KLHL29: variants seen among roughly 807,000 people sequenced by gnomAD.
KLHL29 encodes kelch-like protein 29.
A neutral mutation model predicts 80.4 loss-of-function variants in KLHL29; 21 were observed. The ratio of observed to expected loss-of-function variants is 0.26; its 90% confidence interval spans 0.19 to 0.38. The LOEUF is 0.38. Ranked by LOEUF, KLHL29 falls within the 10% of genes least tolerant of loss-of-function variation. KLHL29 has a pLI of 1.00. For synonymous variants in KLHL29, 511 were observed against 526.8 expected (o/e 0.97, Z 0.41); for missense variants, 867 against 1,223.9 (o/e 0.71, Z 4.35).
At chr2:23,533,280 G>T (rs1231840839) in intron 2 of KLHL29, among the ~76,000 whole-genome samples, 1 of 152,144 alleles carries the variant, frequency 6.6e-6, no homozygotes, top group Admixed American at 6.5e-5. Context: ...GCTAGTCCTA[G>T]GGCATGGGTT....
intron 5 of KLHL29, among the ~76,000 whole-genome samples, chr2:23,650,367 A>C (rs1374906008): frequency 6.6e-6 from 1 of 151,958 alleles, no homozygotes; most frequent in East Asian, 1.9e-4. Context: ...ACACACACAC[A>C]CGTGTGCACA....
chr2:23,586,362 CTTT>C (rs778067234), intron 3 of KLHL29, among the ~76,000 whole-genome samples: 2 of 96,988 alleles, frequency 2.1e-5, no homozygotes, highest in Non-Finnish European at 1.9e-5. Flanking sequence ...AAAAGCATTA[CTTT>C]TTTTTTTTTT....
At chr2:23,546,965 T>C (rs959312862) in intron 2 of KLHL29, among the ~76,000 whole-genome samples, 2 of 152,132 alleles carry the variant, frequency 1.3e-5, no homozygotes, top group African/African-American at 2.4e-5. Context: ...ACTTGAGCCA[T>C]CTGGGAAGAC....
At chr2:23,505,781 G>A (rs1278237307) in intron 2 of KLHL29, among the ~76,000 whole-genome samples, 1 of 152,232 alleles carries the variant, frequency 6.6e-6, no homozygotes, top group Non-Finnish European at 1.5e-5. Context: ...TGGAAGAGAG[G>A]CCAGAGAATG....
intron 3 of KLHL29, among the ~76,000 whole-genome samples, chr2:23,590,629 CA>C (rs1668235737): frequency 6.6e-6 from 1 of 152,200 alleles, no homozygotes; most frequent in Non-Finnish European, 1.5e-5. Context: ...AATCCCCACC[CA>C]CACACAGAGG....
chr2:23,531,500 C>T (rs1489053830), intron 2 of KLHL29, among the ~76,000 whole-genome samples: 3 of 152,226 alleles, frequency 2.0e-5, no homozygotes, highest in Non-Finnish European at 2.9e-5. Flanking sequence ...ACCCTGCCTC[C>T]GAGCCGCCAG....
At chr2:23,597,234 A>G (rs1395908375) in intron 3 of KLHL29, among the ~76,000 whole-genome samples, 1 of 149,936 alleles carries the variant, frequency 6.7e-6, no homozygotes, top group East Asian at 2.0e-4. Flanking sequence ...CCTCTGGGCC[A>G]GGTTGCAAAC....
At chr2:23,698,130 G>C (rs1316060299) in intron 11 of KLHL29, among the ~76,000 whole-genome samples, 2 of 152,246 alleles carry the variant, frequency 1.3e-5, no homozygotes, top group East Asian at 3.8e-4. Context: ...GCCTGTATGG[G>C]CCTTCCCTGG....
chr2:23,427,162 T>A (rs1336242239), intron 1 of KLHL29, among the ~76,000 whole-genome samples: 6 of 152,204 alleles, frequency 3.9e-5, no homozygotes, highest in African/African-American at 1.4e-4. Flanking sequence ...AAGAAGGTGC[T>A]GGCTAATTGC....
At chr2:23,528,426 G>C (rs368798485) in intron 2 of KLHL29, among the ~76,000 whole-genome samples, 1 of 152,256 alleles carries the variant, frequency 6.6e-6, no homozygotes, top group East Asian at 1.9e-4. Context: ...TGCACTCTCC[G>C]TGTGGTTCAA....
In KLHL29 at chr2:23,456,281, G is replaced by A. The variant is rs201658463; in HGVS notation, c.-153-19279G>A. ...GGGGGCCAAGGCAGAGAAGACTGCCGGCCCTGGGCCCTTGGTGCAATGGGG... is the reference window on the plus strand; with the variant it reads ...GGGGGCCAAGGCAGAGAAGACTGCCAGCCCTGGGCCCTTGGTGCAATGGGG... On this transcript the variant is annotated intron_variant, in intron 1 of 13. Transcript: ENST00000486442. 3.7e-4 allele frequency among the ~76,000 whole-genome samples: 57 copies of A among 152,320 alleles called. 2 individuals carry two copies. In the East Asian group the frequency reaches 0.011, roughly 29 times the overall value.
intron 3 of KLHL29, among the ~76,000 whole-genome samples, chr2:23,597,296 C>CTCT (rs111785339): frequency 5.0e-5 from 3 of 59,476 alleles, no homozygotes; most frequent in African/African-American, 1.7e-4. Flanking sequence ...CTCTCTCTCT[C>CTCT]ATATATATAT....
chr2:23,549,427 A>G (rs1667065792), intron 2 of KLHL29, among the ~76,000 whole-genome samples: 1 of 151,202 alleles, frequency 6.6e-6, no homozygotes, highest in South Asian at 2.1e-4. Flanking sequence ...AAAACACACA[A>G]CCTCGCAACA....
intron 1 of KLHL29, 62 bp from the exon 2 acceptor site, chr2:23,475,498 A>G (rs2103438134): frequency 6.1e-6 from 1 of 164,020 alleles, no homozygotes; most frequent in South Asian, 2.1e-4. Context: ...AAAAAAAAAG[A>G]AAAGAAAAAA....
intron 1 of KLHL29, among the ~76,000 whole-genome samples, chr2:23,463,147 G>T (rs1478745777): frequency 1.4e-5 from 2 of 146,752 alleles, no homozygotes; most frequent in Admixed American, 1.4e-4. Flanking sequence ...TTTTTGGAAC[G>T]TCATGGCACT....
At chr2:23,419,656 A>T (rs938320982) in intron 1 of KLHL29, among the ~76,000 whole-genome samples, 1 of 152,178 alleles carries the variant, frequency 6.6e-6, no homozygotes, top group Non-Finnish European at 1.5e-5. Context: ...GTCGAGCGGA[A>T]TGAGTCCTCA....
intron 3 of KLHL29, among the ~76,000 whole-genome samples, chr2:23,609,695 A>G (rs1214854963): frequency 6.6e-6 from 1 of 152,122 alleles, no homozygotes; most frequent in African/African-American, 2.4e-5. Flanking sequence ...TGACAAATAC[A>G]TAATACGCTC....
chr2:23,652,824 C>T (rs188351040), intron 5 of KLHL29, among the ~76,000 whole-genome samples: 7 of 152,338 alleles, frequency 4.6e-5, no homozygotes, highest in Non-Finnish European at 8.8e-5. Context: ...GTCCACTCGG[C>T]TGATTTCTTT....
At chr2:23,431,960 A>T (rs940333344) in intron 1 of KLHL29, among the ~76,000 whole-genome samples, 9 of 152,038 alleles carry the variant, frequency 5.9e-5, no homozygotes, top group Admixed American at 1.3e-4. Context: ...AAAATCAGAA[A>T]ATATGAACCA....
Sources: allele counts gnomAD v4.1 joint callset (sites outside exome capture counted in the v4.1 genomes callset), GRCh38; gene constraint gnomAD v4.1.1; transcripts MANE v1.5; gene names NCBI Gene and HGNC (gene_info 2026-07-23, HGNC 2026-07-21).